Variants in LSM14B observed in about 807,000 individuals in gnomAD.
The protein encoded by LSM14B is protein LSM14 homolog B.
In LSM14B, 8 loss-of-function variants were observed where a neutral mutation model predicts 42.1. The observed-to-expected ratio is 0.19, with a 90% CI of 0.11 to 0.34. The LOEUF (loss-of-function observed/expected upper bound fraction) is 0.34, where lower values mean the gene tolerates loss of function less well. LSM14B is among the 10% of genes least tolerant of loss of function. The pLI, the probability that LSM14B is intolerant of heterozygous loss-of-function variation, is 1.00. For missense variants in LSM14B, 396 were observed against 513.1 expected (o/e 0.77, Z 2.21); for synonymous variants, 219 against 209.7 (o/e 1.04, Z -0.38).
Position 62,122,925 on chromosome 20 carries a change from C to T in LSM14B, c.127+132C>T, listed in dbSNP as rs1274596085. ...CGCCCAGAACCCACCCAGGGCACACCCGGCCCGAGATCCCCTGCCCGCGCC... is the reference window on the plus strand; with the variant it reads ...CGCCCAGAACCCACCCAGGGCACACTCGGCCCGAGATCCCCTGCCCGCGCC... On this transcript the variant is annotated intron_variant, in intron 1 of 8. Coordinates refer to ENST00000279068, the MANE Select transcript of LSM14B (RefSeq NM_144703.3). The surrounding 1 kb of genome is among the most constrained non-coding windows in gnomAD (Gnocchi z 4.6). The T allele has an allele frequency of 8.7e-6, 7 of 805,074 alleles. No homozygotes were observed. The highest frequency in any genetic ancestry group is 7.4e-5 in the African/African-American group (4 of 54,132). 49.9% of individuals were successfully genotyped at this position (805,074 alleles called of 1,614,324 possible).
Position 62,122,862 on chromosome 20 carries a change from C to T in LSM14B, c.127+69C>T. ...AACAGCCCCGGCCTGCGGTGCCCTC[C>T]CCGCCCCGGGGCGCCCCGGAGCCTG... On this transcript the variant is annotated intron_variant, in intron 1 of 8. Coordinates refer to ENST00000279068, the MANE Select transcript of LSM14B (RefSeq NM_144703.3). This position sits in a 1 kb window ranked among gnomAD's most constrained non-coding sequence, Gnocchi z 4.6. 1 of 1,296,184 alleles carries T rather than the reference C, an allele frequency of 7.7e-7. No individual in the cohort carries two copies. The highest frequency in any genetic ancestry group is 9.9e-7 in the Non-Finnish European group (1 of 1,009,256). The allele number at this position is 1,296,184 out of a possible 1,614,324, so 80.3% of individuals were successfully genotyped here. A position where few individuals can be genotyped will look rare whatever the true frequency, so the allele number is the denominator to read the frequency against.
chr20:62,133,383 C>A lies in LSM14B; in HGVS notation c.1080C>A (p.Gly360=), dbSNP rs771272518. ...TTCTTCGTGGCCGCAGTTCTCGGGGCGGATTCCGAGGAGGCAGGGGCAATG... is the reference window on the plus strand; with the variant it reads ...TTCTTCGTGGCCGCAGTTCTCGGGGAGGATTCCGAGGAGGCAGGGGCAATG... ...GRFLRGRSSR[G]GFRGGRGNGT... Residue 360 remains glycine, a synonymous_variant, in exon 8 of 9, where the codon GGC becomes GGA. Coordinates refer to ENST00000279068, the MANE Select transcript of LSM14B (RefSeq NM_144703.3). 3.0e-5 allele frequency: 48 copies of A among 1,613,070 alleles called. No individual in the cohort carries two copies. Among genetic ancestry groups the A allele is most frequent in the Non-Finnish European group, 4.0e-5 (47 of 1,179,598 alleles).
At chr20:62,131,079 G>A (rs969734949) in intron 6 of LSM14B, among the ~76,000 whole-genome samples, 1 of 152,186 alleles carries the variant, frequency 6.6e-6, no homozygotes, top group Non-Finnish European at 1.5e-5. Context: ...TAGAGGAACC[G>A]GGGATGCCAG....
Position 62,133,289 on chromosome 20 carries a change from G to C in LSM14B, c.987-1G>C, listed in dbSNP as rs375898919. On this transcript the variant is annotated splice_acceptor_variant, in intron 7 of 8. Transcript: ENST00000279068. LOFTEE classifies it high-confidence loss of function. ...CAATCAGCATTTCCTCTGTGGTTTA[G>C]CTCCAGGCGGACGACGTGGGCCGAA... The C allele has an allele frequency of 1.2e-6, 2 of 1,613,188 alleles. No homozygotes were observed. Among genetic ancestry groups the C allele is most frequent in the Non-Finnish European group, 1.7e-6 (2 of 1,179,584 alleles).
At chr20:62,131,972 G>A (rs2056779520) in intron 7 of LSM14B, among the ~76,000 whole-genome samples, 1 of 152,222 alleles carries the variant, frequency 6.6e-6, no homozygotes. Context: ...CTAACAGCTG[G>A]TCAGAAGTCC....
rs2056540975 is a variant in LSM14B, at chr20:62,124,894, T to TC, written c.291+114_291+115insC. 41 of 1,204,284 alleles carry TC rather than the reference T, an allele frequency of 3.4e-5. No individual in the cohort carries two copies. The South Asian group carries it at 6.0e-4, about 18-fold the overall frequency. The allele number at this position is 1,204,284 out of a possible 1,614,324, so 74.6% of individuals were successfully genotyped here. On this transcript the variant is annotated intron_variant, in intron 2 of 8. Coordinates refer to ENST00000279068, the MANE Select transcript of LSM14B (RefSeq NM_144703.3). ...TGTGAGGAATAACCTTTTTTTTTTT[T>TC]TCTTTGAGGCAGCGTCTCGCTGTGT...
Position 62,122,815 on chromosome 20 carries a change from A to C in LSM14B, c.127+22A>C. The C allele has an allele frequency of 2.0e-6, 3 of 1,475,046 alleles. No homozygotes were observed. Among genetic ancestry groups the C allele is most frequent in the Non-Finnish European group, 2.7e-6 (3 of 1,102,440 alleles). The allele number at this position is 1,475,046 out of a possible 1,614,324, so 91.4% of individuals were successfully genotyped here. ...AAAGGTAGCGGCCGCCGCCCGCCCG[A>C]GCCCGCTGACCCCCGTCCGCCAACA... On this transcript the variant is annotated intron_variant, in intron 1 of 8. Coordinates refer to ENST00000279068, the MANE Select transcript of LSM14B (RefSeq NM_144703.3). The surrounding 1 kb of genome is among the most constrained non-coding windows in gnomAD (Gnocchi z 4.6).
At chr20:62,124,866 C>T (rs2056538878) in intron 2 of LSM14B, 86 bp downstream of exon 2, 3 of 1,257,996 alleles carry the variant, frequency 2.4e-6, no homozygotes, top group Non-Finnish European at 3.2e-6. Context: ...TCAGAACGCT[C>T]AATGTGAGGA....
At position 62,124,594 on chromosome 20, in the gene LSM14B, G is replaced by A. The variant is rs189013181; in HGVS notation, c.128-23G>A. The A allele has an allele frequency of 6.0e-5, 97 of 1,609,792 alleles. 2 individuals carry two copies. In the South Asian group the frequency reaches 9.1e-4, roughly 15 times the overall value. On this transcript the variant is annotated intron_variant, in intron 1 of 8. Transcript: ENST00000279068. ...TGAACTGGCTGAGGACAACAATAAC[G>A]CTTCTCTTTCTCCACTCATAAGTGA...
intron 3 of LSM14B, among the ~76,000 whole-genome samples, chr20:62,128,244 G>C (rs1386728226): frequency 6.6e-6 from 1 of 152,316 alleles, no homozygotes; most frequent in South Asian, 2.1e-4. Flanking sequence ...GCACCTGTGG[G>C]GTTTCTAGAT....
intron 8 of LSM14B, 81 bp from the exon 9 acceptor site, chr20:62,134,082 C>T: frequency 2.7e-6 from 1 of 376,678 alleles, no homozygotes; most frequent in Non-Finnish European, 5.4e-6. Flanking sequence ...AGGAGGGAGG[C>T]TGAGTGGCTC....
intron 8 of LSM14B, among the ~76,000 whole-genome samples, 185 bp downstream of exon 8, chr20:62,133,660 G>C (rs1374573220): frequency 6.6e-6 from 1 of 152,220 alleles, no homozygotes; most frequent in Non-Finnish European, 1.5e-5. Flanking sequence ...ACTTCAACCT[G>C]CATCTGTGGG....
At chr20:62,123,758 T>G (rs2056493568) in intron 1 of LSM14B, among the ~76,000 whole-genome samples, 1 of 152,218 alleles carries the variant, frequency 6.6e-6, no homozygotes, top group Non-Finnish European at 1.5e-5. Flanking sequence ...GGGAACTTCA[T>G]GTGTAGAAGA....
Position 62,122,602 on chromosome 20 carries a change from C to A in LSM14B, c.-65C>A. The A allele has an allele frequency of 9.6e-7, 1 of 1,038,602 alleles. No homozygotes were observed. Among genetic ancestry groups the A allele is most frequent in the South Asian group, 4.2e-5 (1 of 23,558 alleles). The allele number at this position is 1,038,602 out of a possible 1,614,324, so 64.3% of individuals were successfully genotyped here. On this transcript the variant is annotated 5_prime_UTR_variant, in exon 1 of 9. Coordinates refer to ENST00000279068, the MANE Select transcript of LSM14B (RefSeq NM_144703.3). This position sits in a 1 kb window ranked among gnomAD's most constrained non-coding sequence, Gnocchi z 4.6. ...AGCGGGCGGCCAGGCCACCGCGCGG[C>A]GGCGGAGCGGGCCGCGGCCCGGCGC...
At chr20:62,132,044 C>A (rs1450632529) in intron 7 of LSM14B, among the ~76,000 whole-genome samples, 3 of 152,244 alleles carry the variant, frequency 2.0e-5, no homozygotes, top group Admixed American at 2.0e-4. Flanking sequence ...AAACTTGGGC[C>A]CATTTGTCCT....
At chr20:62,124,523 G>A in intron 1 of LSM14B, 94 bp from the exon 2 acceptor site, 1 of 1,375,440 alleles carries the variant, frequency 7.3e-7, no homozygotes, top group Non-Finnish European at 9.9e-7. Context: ...CTGAGCAAGT[G>A]TCGCCGTCTT....
At chr20:62,131,232 C>T (rs1042566365) in intron 6 of LSM14B, 124 bp from the exon 7 acceptor site, 7 of 1,129,376 alleles carry the variant, frequency 6.2e-6, no homozygotes, top group African/African-American at 4.7e-5. Context: ...TTCTGCTTTG[C>T]ACAAGGCATA....
intron 2 of LSM14B, 57 bp from the exon 3 acceptor site, chr20:62,126,247 G>A (rs1163833373): frequency 9.9e-6 from 16 of 1,612,342 alleles, no homozygotes; most frequent in African/African-American, 1.3e-5. Context: ...CCCTGATGAA[G>A]GCGTGCGGGG....
At chr20:62,133,017 G>C (rs544144320) in intron 7 of LSM14B, among the ~76,000 whole-genome samples, 1 of 152,266 alleles carries the variant, frequency 6.6e-6, no homozygotes, top group Non-Finnish European at 1.5e-5. Context: ...CGGCTGCCTT[G>C]GTAGCCAACT....
Sources: gnomAD v4.1 joint callset for allele counts (sites outside exome capture counted in the v4.1 genomes callset) on GRCh38, gnomAD v4.1.1 for gene constraint, Gnocchi (gnomAD v3.1) non-coding constraint, MANE v1.5 for transcripts, NCBI Gene and HGNC (gene_info 2026-07-23, HGNC 2026-07-21) for gene names.